The following FOCAD variants were observed in gnomAD, a reference collection of about 807,000 sequenced individuals.
FOCAD encodes focadhesin, also known as KIAA1797.
Under a neutral mutation model 225.6 loss-of-function variants are expected in FOCAD, and 198 were observed. The ratio of observed to expected loss-of-function variants is 0.88; its 90% CI spans 0.78 to 0.99. The LOEUF (loss-of-function observed/expected upper bound fraction) is 0.99. Ranked by LOEUF, FOCAD falls within the 50% of genes least tolerant of loss-of-function variation. The pLI, the probability that FOCAD is intolerant of heterozygous loss-of-function variation, is 0.00. For synonymous variants in FOCAD, 897 were observed against 755.0 expected (o/e 1.19, Z -3.08); for missense variants, 2,713 against 2,123.6 (o/e 1.28, Z -5.46).
At chr9:20,813,714 G>C (rs901022677) in intron 11 of FOCAD, among the ~76,000 whole-genome samples, 3 of 152,176 alleles carry the variant, frequency 2.0e-5, no homozygotes, top group African/African-American at 7.2e-5. Context: ...CTGTTGGGTA[G>C]AACGTTCTAT....
chr9:20,888,347 C>T (rs1433539664), intron 21 of FOCAD, among the ~76,000 whole-genome samples: 6 of 151,876 alleles, frequency 4.0e-5, no homozygotes, highest in African/African-American at 1.5e-4. Flanking sequence ...CCATGTTGGT[C>T]AGGCTGGTCT....
At chr9:20,827,485 A>C (rs1469047378) in intron 15 of FOCAD, among the ~76,000 whole-genome samples, 1 of 151,948 alleles carries the variant, frequency 6.6e-6, no homozygotes, top group Non-Finnish European at 1.5e-5. Flanking sequence ...GGATAAAGAA[A>C]ATTGTGGCGT....
chr9:20,970,957 T>C (rs899828369), intron 35 of FOCAD, among the ~76,000 whole-genome samples: 1 of 152,158 alleles, frequency 6.6e-6, no homozygotes, highest in Non-Finnish European at 1.5e-5. Context: ...AACTGAACAT[T>C]TTGGATATTG....
chr9:20,795,733 G>T (rs1821003720), intron 11 of FOCAD, among the ~76,000 whole-genome samples: 3 of 134,736 alleles, frequency 2.2e-5, no homozygotes, highest in Non-Finnish European at 4.6e-5. Context: ...ACAGTGAGCT[G>T]AGATCGCACC....
At chr9:20,687,053 T>C (rs1822712037) in intron 1 of FOCAD, among the ~76,000 whole-genome samples, 1 of 152,088 alleles carries the variant, frequency 6.6e-6, no homozygotes, top group Non-Finnish European at 1.5e-5. Context: ...ATTGTGTTTA[T>C]GATTTTAAAA....
At chr9:20,938,734 AAAAG>A (rs760029977) in intron 28 of FOCAD, among the ~76,000 whole-genome samples, 33 of 152,248 alleles carry the variant, frequency 2.2e-4, no homozygotes, top group Non-Finnish European at 4.1e-4. Context: ...TAAAGAAAAG[AAAAG>A]AAAGATTGTA....
intron 39 of FOCAD, among the ~76,000 whole-genome samples, chr9:20,984,075 A>G (rs1301896270): frequency 6.6e-6 from 1 of 152,194 alleles, no homozygotes; most frequent in Non-Finnish European, 1.5e-5. Context: ...TGATGTCCCC[A>G]AAAGAGTTAG....
intron 35 of FOCAD, among the ~76,000 whole-genome samples, chr9:20,972,404 T>C (rs1179032218): frequency 6.6e-6 from 1 of 152,184 alleles, no homozygotes; most frequent in Non-Finnish European, 1.5e-5. Flanking sequence ...ATTAGTGATA[T>C]TGGTCATCTT....
At chr9:20,823,542 T>A (rs1824551652) in intron 15 of FOCAD, among the ~76,000 whole-genome samples, 1 of 152,068 alleles carries the variant, frequency 6.6e-6, no homozygotes, top group Non-Finnish European at 1.5e-5. Context: ...TCCTGGTGAT[T>A]AGACTGAGTA....
At chr9:20,846,612 C>T (rs1481489216) in intron 15 of FOCAD, among the ~76,000 whole-genome samples, 1 of 152,042 alleles carries the variant, frequency 6.6e-6, no homozygotes, top group African/African-American at 2.4e-5. Context: ...GAATCAGATG[C>T]CAAATGAGCA....
chr9:20,874,922 AC>A, intron 19 of FOCAD, 115 bp downstream of exon 19: 1 of 1,327,402 alleles, frequency 7.5e-7, no homozygotes, highest in Non-Finnish European at 1.1e-6. Flanking sequence ...TTATTTTTTA[AC>A]CAGAATGTTA....
chr9:20,912,089 T>C (rs1833484699), intron 22 of FOCAD, among the ~76,000 whole-genome samples: 1 of 152,128 alleles, frequency 6.6e-6, no homozygotes, highest in Admixed American at 6.6e-5. Context: ...GCTTGTGATA[T>C]GTAAACTGGC....
intron 22 of FOCAD, among the ~76,000 whole-genome samples, chr9:20,910,868 G>A (rs879637082): frequency 2.0e-5 from 3 of 152,064 alleles, no homozygotes; most frequent in Non-Finnish European, 4.4e-5. Flanking sequence ...CAGAGACTCA[G>A]AGAAAGAAAA....
chr9:20,898,912 TAGTG>T (rs1241871854), intron 21 of FOCAD, among the ~76,000 whole-genome samples: 1 of 151,930 alleles, frequency 6.6e-6, no homozygotes, highest in African/African-American at 2.4e-5. Context: ...CTCAATCTCA[TAGTG>T]AGCCTAGAAC....
chr9:20,932,441 A>G (rs1306233701), intron 27 of FOCAD, among the ~76,000 whole-genome samples: 2 of 152,172 alleles, frequency 1.3e-5, no homozygotes, highest in East Asian at 1.9e-4. Context: ...TTATTTTACT[A>G]TGCAAGTCAT....
chr9:20,705,256 A>G (rs1425989950), intron 1 of FOCAD, among the ~76,000 whole-genome samples: 6 of 152,320 alleles, frequency 3.9e-5, no homozygotes, highest in East Asian at 3.9e-4. Flanking sequence ...CAGTGTACCT[A>G]TTATTAACAT....
intron 11 of FOCAD, among the ~76,000 whole-genome samples, chr9:20,799,784 T>G (rs886480682): frequency 3.3e-5 from 5 of 152,090 alleles, no homozygotes; most frequent in African/African-American, 4.8e-5. Context: ...ACACTGATGG[T>G]TCTTGACTCT....
At chr9:20,877,343 A>T (rs1445314665) in intron 19 of FOCAD, among the ~76,000 whole-genome samples, 2 of 152,206 alleles carry the variant, frequency 1.3e-5, no homozygotes, top group African/African-American at 4.8e-5. Flanking sequence ...AAATCTCAAA[A>T]ATGTAATTCT....
chr9:20,977,832 G>A (rs1054723972), intron 36 of FOCAD, among the ~76,000 whole-genome samples: 2 of 152,098 alleles, frequency 1.3e-5, no homozygotes, highest in African/African-American at 4.8e-5. Flanking sequence ...CTCCTTGTTT[G>A]GTGTGCTATA....
Sources: allele counts gnomAD v4.1 joint callset (sites outside exome capture counted in the v4.1 genomes callset), GRCh38; gene constraint gnomAD v4.1.1; transcripts MANE v1.5; gene names NCBI Gene and HGNC (gene_info 2026-07-23, HGNC 2026-07-21).